Variants in TJP2 observed in about 807,000 individuals in gnomAD.
TJP2 encodes the protein Friedreich ataxia region gene X104 (tight junction protein ZO-2).
In TJP2, 91 loss-of-function variants were observed where a neutral mutation model predicts 133.1. That is an observed-to-expected ratio of 0.68 (90% CI 0.58 to 0.81). The LOEUF is 0.81. TJP2 is among the 40% of genes least tolerant of loss of function. TJP2 has a pLI of 0.00. For synonymous variants in TJP2, 592 were observed against 583.4 expected, an observed-to-expected ratio of 1.01 and a Z score of -0.21; for missense variants, 1,541 against 1,565.6, an observed-to-expected ratio of 0.98 and a Z score of 0.26.
At chr9:69,149,053 T>C (rs889668429) in intron 1 of TJP2, among the ~76,000 whole-genome samples, 23 of 152,236 alleles carry the variant, frequency 1.5e-4, no homozygotes, top group Non-Finnish European at 1.3e-4. Context: ...CTCAATACTA[T>C]TGAAATCCAA....
At chr9:69,232,394 C>T (rs563668216) in intron 11 of TJP2, among the ~76,000 whole-genome samples, 24 of 152,306 alleles carry the variant, frequency 1.6e-4, no homozygotes, top group African/African-American at 5.8e-4. Context: ...CACGGCTAGA[C>T]CCTGTAGACT....
chr9:69,185,881 CTTT>C (rs34030534), intron 1 of TJP2, among the ~76,000 whole-genome samples: 5 of 135,430 alleles, frequency 3.7e-5, no homozygotes, highest in African/African-American at 8.2e-5. Context: ...TAATGTAGTC[CTTT>C]TTTTTTTTTT....
chr9:69,165,760 T>A (rs1223036984), intron 2 of TJP2, among the ~76,000 whole-genome samples: 1 of 152,226 alleles, frequency 6.6e-6, no homozygotes, highest in East Asian at 1.9e-4. Context: ...GGAGTGCCTC[T>A]GAGGACCCAG....
rs145625911 is a variant in TJP2, at chr9:69,221,991, C to T, written c.952+495C>T. ...GGTTCAAGCAGTTTTCCTGCCTCAGCCTCCCTAGTAGCTGGGATCACAGGC... is the reference window on the plus strand; with the variant it reads ...GGTTCAAGCAGTTTTCCTGCCTCAGTCTCCCTAGTAGCTGGGATCACAGGC... On this transcript the variant is annotated intron_variant, in intron 5 of 22. Transcript: ENST00000377245. 2.5e-3 allele frequency among the ~76,000 whole-genome samples: 385 copies of T among 151,314 alleles called. 2 individuals carry two copies. The highest frequency in any genetic ancestry group is 8.7e-3 in the African/African-American group (357 of 41,146).
chr9:69,216,530 G>T, intron 3 of TJP2, 67 bp downstream of exon 3: 2 of 1,559,446 alleles, frequency 1.3e-6, no homozygotes, highest in South Asian at 1.2e-5. Flanking sequence ...GGGGTATTTT[G>T]GTTGGTGTCC....
intron 2 of TJP2, among the ~76,000 whole-genome samples, chr9:69,215,400 T>G (rs1337044627): frequency 2.0e-5 from 3 of 149,196 alleles, no homozygotes; most frequent in African/African-American, 7.3e-5. Context: ...GTTTTTTTTT[T>G]TTGTTTTTTA....
intron 2 of TJP2, among the ~76,000 whole-genome samples, chr9:69,155,042 A>G (rs1823673904): frequency 6.6e-6 from 1 of 151,564 alleles, no homozygotes; most frequent in Non-Finnish European, 1.5e-5. Context: ...ACATGGTGAA[A>G]CCTCATCTCT....
chr9:69,193,165 C>T (rs923944540), intron 1 of TJP2, among the ~76,000 whole-genome samples: 2 of 152,136 alleles, frequency 1.3e-5, no homozygotes, highest in African/African-American at 4.8e-5. Context: ...ATTCACCCAC[C>T]TTGGCCTCCC....
intron 2 of TJP2, among the ~76,000 whole-genome samples, chr9:69,212,875 G>C (rs1251271838): frequency 1.4e-5 from 1 of 72,446 alleles, no homozygotes; most frequent in Non-Finnish European, 3.5e-5. Context: ...AGAGAGAAAA[G>C]AAAGGGAAGA....
chr9:69,129,881 G>A (rs1822410933), intron 1 of TJP2, among the ~76,000 whole-genome samples: 1 of 151,986 alleles, frequency 6.6e-6, no homozygotes, highest in African/African-American at 2.4e-5. Context: ...GCTGGGCGTG[G>A]TGGCGTGCCT....
Position 69,225,422 on chromosome 9 carries a change from G to A in TJP2, c.1056+15G>A, listed in dbSNP as rs369589888. 60 of 1,556,856 alleles carry A rather than the reference G, an allele frequency of 3.9e-5. No homozygotes were observed. Among genetic ancestry groups the A allele is most frequent in the Middle Eastern group, 1.7e-4 (1 of 5,964 alleles). On this transcript the variant is annotated intron_variant, in intron 6 of 22. Coordinates refer to ENST00000377245, the MANE Select transcript of TJP2 (RefSeq NM_004817.4). The stretch of plus-strand genomic sequence containing the variant: ...TAATTCTCAAGGTGGGTAGATGGGG[G>A]CAGAGAACGGTAGTGTGCATACTGC...
At chr9:69,249,097 A>G in intron 19 of TJP2, 2 of 1,212,938 alleles carry the variant, frequency 1.6e-6, no homozygotes, top group Non-Finnish European at 2.1e-6. Context: ...CCAAATGCCT[A>G]TAGACATGGA....
intron 22 of TJP2, chr9:69,253,132 T>G (rs905776182): frequency 3.5e-6 from 2 of 573,758 alleles, no homozygotes; most frequent in Non-Finnish European, 6.3e-6. Context: ...CATTGATGTT[T>G]CCAGCCAGTA....
chr9:69,229,383 A>G lies in TJP2; in HGVS notation c.1520+133A>G, dbSNP rs974076206. The stretch of plus-strand genomic sequence containing the variant: ...TGTCAGCCACCTGTAACCAATCCCC[A>G]TTGGTAGTGCTTATGAGAAAGAGGA... On this transcript the variant is annotated intron_variant, in intron 10 of 22. Coordinates refer to ENST00000377245, the MANE Select transcript of TJP2 (RefSeq NM_004817.4). 4 of 842,412 alleles carry G rather than the reference A, an allele frequency of 4.7e-6. No homozygotes were observed. The African/African-American group carries it at 6.7e-5, about 14-fold the overall frequency. The allele number at this position is 842,412 out of a possible 1,614,324, so 52.2% of individuals were successfully genotyped here.
At chr9:69,130,632 G>GT (rs1822453416) in intron 1 of TJP2, among the ~76,000 whole-genome samples, 4 of 152,186 alleles carry the variant, frequency 2.6e-5, no homozygotes, top group Non-Finnish European at 5.9e-5. Context: ...CATGACGGAA[G>GT]GGGCCGGGCT....
chr9:69,150,564 C>T (rs1363613100), intron 1 of TJP2, among the ~76,000 whole-genome samples: 2 of 152,148 alleles, frequency 1.3e-5, no homozygotes, highest in African/African-American at 2.4e-5. Flanking sequence ...TTCCAAAGTG[C>T]TGGGATTACA....
chr9:69,157,108 T>C (rs1180920558), intron 2 of TJP2, among the ~76,000 whole-genome samples: 1 of 152,204 alleles, frequency 6.6e-6, no homozygotes, highest in Non-Finnish European at 1.5e-5. Flanking sequence ...GGTTAAATTT[T>C]AGGGTTCCCC....
intron 1 of TJP2, among the ~76,000 whole-genome samples, chr9:69,185,910 C>T (rs1203331021): frequency 7.2e-6 from 1 of 138,622 alleles, no homozygotes; most frequent in Non-Finnish European, 1.5e-5. Flanking sequence ...TTTTTGGAGA[C>T]GGAGTCTCGG....
intron 1 of TJP2, among the ~76,000 whole-genome samples, chr9:69,209,951 C>CA (rs1252777120): frequency 6.6e-6 from 1 of 151,986 alleles, no homozygotes; most frequent in Non-Finnish European, 1.5e-5. Flanking sequence ...CGTATGCTAT[C>CA]AAAGAAGCAG....
Sources: allele counts gnomAD v4.1 joint callset (sites outside exome capture counted in the v4.1 genomes callset), GRCh38; gene constraint gnomAD v4.1.1; transcripts MANE v1.5; gene names NCBI Gene and HGNC (gene_info 2026-07-23, HGNC 2026-07-21).